SPAG16: variants seen among roughly 807,000 people sequenced by gnomAD.
The protein encoded by SPAG16 is sperm-associated antigen 16 protein.
In SPAG16, 86 loss-of-function variants were observed where a neutral mutation model predicts 80.4. The ratio of observed to expected loss-of-function variants is 1.07; its 90% CI spans 0.90 to 1.28. The LOEUF (loss-of-function observed/expected upper bound fraction) is 1.28, where lower values mean the gene tolerates loss of function less well. Among genes scored for constraint, SPAG16 ranks in the 50% most tolerant of loss-of-function variants. The probability of loss-of-function intolerance (pLI) is 0.00; values close to 1 mark genes in which losing one functional copy is unlikely to be tolerated. For missense variants in SPAG16, 870 were observed against 765.3 expected (o/e 1.14, Z -1.61); for synonymous variants, 294 against 265.9 (o/e 1.11, Z -1.03).
intron 13 of SPAG16, among the ~76,000 whole-genome samples, chr2:214,074,882 A>G (rs778313278): frequency 3.3e-5 from 5 of 152,176 alleles, no homozygotes; most frequent in Non-Finnish European, 7.4e-5. Flanking sequence ...ACAGCAGATA[A>G]CGCAAACTGT....
At chr2:213,655,652 A>G (rs1227873408) in intron 10 of SPAG16, among the ~76,000 whole-genome samples, 1 of 152,202 alleles carries the variant, frequency 6.6e-6, no homozygotes, top group African/African-American at 2.4e-5. Context: ...GGCTGGTCAC[A>G]TAGGTGTATT....
chr2:213,836,422 C>G (rs2074085770), intron 10 of SPAG16, among the ~76,000 whole-genome samples: 1 of 151,970 alleles, frequency 6.6e-6, no homozygotes. Flanking sequence ...TTATCAAACT[C>G]AACTATCAAA....
At chr2:214,296,130 T>G (rs1270401474) in intron 15 of SPAG16, among the ~76,000 whole-genome samples, 2 of 152,216 alleles carry the variant, frequency 1.3e-5, no homozygotes, top group African/African-American at 4.8e-5. Context: ...TAGCTCCCCT[T>G]TAAAAGTTAG....
chr2:214,369,102 A>T (rs538193965), intron 15 of SPAG16, among the ~76,000 whole-genome samples: 4 of 152,152 alleles, frequency 2.6e-5, no homozygotes, highest in African/African-American at 9.6e-5. Context: ...TTTATAATCC[A>T]TAAATGAGAA....
At chr2:213,842,180 A>T (rs1006596482) in intron 10 of SPAG16, among the ~76,000 whole-genome samples, 1 of 152,160 alleles carries the variant, frequency 6.6e-6, no homozygotes, top group Non-Finnish European at 1.5e-5. Flanking sequence ...AAGCTTTTAC[A>T]ATCTAGATCT....
At chr2:213,774,748 A>T (rs1367880883) in intron 10 of SPAG16, among the ~76,000 whole-genome samples, 1 of 152,170 alleles carries the variant, frequency 6.6e-6, no homozygotes, top group East Asian at 1.9e-4. Context: ...TAGATAGGAG[A>T]TGGCTCAATT....
At chr2:214,134,822 T>C (rs2054962116) in intron 14 of SPAG16, among the ~76,000 whole-genome samples, 1 of 152,186 alleles carries the variant, frequency 6.6e-6, no homozygotes, top group Non-Finnish European at 1.5e-5. Context: ...ATATGTAAAA[T>C]TTACATTCCT....
At chr2:213,581,025 A>T (rs2060281313) in intron 10 of SPAG16, among the ~76,000 whole-genome samples, 1 of 152,022 alleles carries the variant, frequency 6.6e-6, no homozygotes, top group South Asian at 2.1e-4. Flanking sequence ...ACTTTTTTGA[A>T]GTTTTTTACA....
chr2:213,454,216 A>G (rs2071868196), intron 9 of SPAG16, among the ~76,000 whole-genome samples: 2 of 152,202 alleles, frequency 1.3e-5, no homozygotes. Context: ...TTTAATAGAA[A>G]ACAAAAAAAT....
chr2:214,078,742 G>T (rs887498490), intron 13 of SPAG16, among the ~76,000 whole-genome samples: 1 of 152,066 alleles, frequency 6.6e-6, no homozygotes, highest in Non-Finnish European at 1.5e-5. Flanking sequence ...GAAGAGTGAG[G>T]AAATGACATG....
At chr2:213,845,968 A>G (rs2074602334) in intron 10 of SPAG16, among the ~76,000 whole-genome samples, 1 of 152,216 alleles carries the variant, frequency 6.6e-6, no homozygotes, top group South Asian at 2.1e-4. Context: ...GGGAAAGGGC[A>G]AGCCTAATTA....
intron 13 of SPAG16, among the ~76,000 whole-genome samples, chr2:214,039,160 C>T (rs2048871296): frequency 1.3e-5 from 2 of 152,170 alleles, no homozygotes; most frequent in Admixed American, 1.3e-4. Flanking sequence ...GTCCCACCAA[C>T]AGTGTAAAAG....
chr2:213,482,986 T>G (rs1473675673), intron 9 of SPAG16, among the ~76,000 whole-genome samples: 1 of 152,182 alleles, frequency 6.6e-6, no homozygotes, highest in African/African-American at 2.4e-5. Flanking sequence ...CAAAATATTA[T>G]AAAGTAAAAA....
chr2:214,175,104 G>A (rs1050693790), intron 15 of SPAG16, among the ~76,000 whole-genome samples: 1 of 151,068 alleles, frequency 6.6e-6, no homozygotes, highest in Admixed American at 6.6e-5. Context: ...AATTGATTCT[G>A]CTATCTCTCC....
intron 15 of SPAG16, among the ~76,000 whole-genome samples, chr2:214,261,177 T>TGCATTCC (rs1456730743): frequency 7.0e-6 from 1 of 143,750 alleles, no homozygotes; most frequent in Non-Finnish European, 1.5e-5. Context: ...ATTTTGCTGC[T>TGCATTCC]GCATTCCTGA....
At chr2:213,473,189 A>G (rs578117495) in intron 9 of SPAG16, among the ~76,000 whole-genome samples, 48 of 152,330 alleles carry the variant, frequency 3.2e-4, no homozygotes, top group African/African-American at 1.1e-3. Context: ...TAATTAGCCA[A>G]TGCTAGAGCT....
chr2:213,842,194 A>C (rs1387482262), intron 10 of SPAG16, among the ~76,000 whole-genome samples: 2 of 152,172 alleles, frequency 1.3e-5, no homozygotes, highest in African/African-American at 4.8e-5. Context: ...TAGATCTTTC[A>C]CATAGAGAAG....
intron 10 of SPAG16, among the ~76,000 whole-genome samples, chr2:213,641,803 T>G (rs2062601479): frequency 6.6e-6 from 1 of 152,134 alleles, no homozygotes; most frequent in Non-Finnish European, 1.5e-5. Context: ...ACAAAGAAGG[T>G]TTAATTGCCT....
intron 11 of SPAG16, among the ~76,000 whole-genome samples, chr2:213,881,820 C>T (rs1241525247): frequency 6.6e-6 from 1 of 152,208 alleles, no homozygotes; most frequent in East Asian, 1.9e-4. Flanking sequence ...CAAAGCCTAA[C>T]TATATCAGAT....
Sources: allele counts gnomAD v4.1 joint callset (sites outside exome capture counted in the v4.1 genomes callset), GRCh38; gene constraint gnomAD v4.1.1; transcripts MANE v1.5; gene names NCBI Gene and HGNC (gene_info 2026-07-23, HGNC 2026-07-21).